The following RSRC1 variants were observed in gnomAD, a reference collection of about 807,000 sequenced individuals.
RSRC1 encodes arginine and serine rich coiled-coil 1, also known as serine/Arginine-related protein 53.
In RSRC1, 39 loss-of-function variants were observed where a neutral mutation model predicts 49.1. The observed-to-expected ratio is 0.79, with a 90% CI of 0.61 to 1.04. The LOEUF is 1.04. Among genes scored for constraint, RSRC1 ranks in the 50% least tolerant of loss-of-function variants. The pLI, the probability that RSRC1 is intolerant of heterozygous loss-of-function variation, is 0.00. For missense variants in RSRC1, 388 were observed against 402.4 expected (o/e 0.96, Z 0.31); for synonymous variants, 143 against 130.8 (o/e 1.09, Z -0.63).
At chr3:158,533,293 A>AT (rs1160438033) in intron 7 of RSRC1, among the ~76,000 whole-genome samples, 1 of 151,686 alleles carries the variant, frequency 6.6e-6, no homozygotes, top group African/African-American at 2.4e-5. Context: ...ATGTTGGTGT[A>AT]TTTTCATATT....
At chr3:158,390,513 G>C (rs9846458) in intron 6 of RSRC1, among the ~76,000 whole-genome samples, 4 of 152,058 alleles carry the variant, frequency 2.6e-5, no homozygotes, top group Non-Finnish European at 4.4e-5. Flanking sequence ...TGTAATGATA[G>C]TATTAATAAG....
At chr3:158,211,496 A>T (rs1034923307) in intron 4 of RSRC1, among the ~76,000 whole-genome samples, 2 of 151,996 alleles carry the variant, frequency 1.3e-5, no homozygotes, top group Non-Finnish European at 2.9e-5. Flanking sequence ...ACATAGGGGA[A>T]GGAAATCAAT....
intron 3 of RSRC1, among the ~76,000 whole-genome samples, chr3:158,127,097 A>T (rs923682658): frequency 6.6e-6 from 1 of 151,998 alleles, no homozygotes; most frequent in Non-Finnish European, 1.5e-5. Flanking sequence ...TAATGTGTCT[A>T]TGTGGGCCTC....
intron 5 of RSRC1, among the ~76,000 whole-genome samples, chr3:158,328,871 C>A (rs538322235): frequency 6.6e-6 from 1 of 152,360 alleles, no homozygotes; most frequent in South Asian, 2.1e-4. Context: ...CTTTCAGGTA[C>A]ACCAATCAGA....
chr3:158,142,567 G>T (rs1304358095), intron 3 of RSRC1, among the ~76,000 whole-genome samples: 1 of 152,158 alleles, frequency 6.6e-6, no homozygotes, highest in Non-Finnish European at 1.5e-5. Context: ...TTCTAGTGAG[G>T]GCCTCAGGAA....
intron 7 of RSRC1, among the ~76,000 whole-genome samples, chr3:158,505,290 G>A (rs1739801067): frequency 6.6e-6 from 1 of 152,068 alleles, no homozygotes; most frequent in South Asian, 2.1e-4. Context: ...TCACCTAGTT[G>A]GAAGCACCTG....
intron 1 of RSRC1, among the ~76,000 whole-genome samples, chr3:158,116,090 A>G (rs1387744856): frequency 6.6e-6 from 1 of 152,198 alleles, no homozygotes; most frequent in Non-Finnish European, 1.5e-5. Context: ...TCAAAAATTC[A>G]TGTTTGTTAA....
At chr3:158,447,660 C>T (rs1034592234) in intron 6 of RSRC1, among the ~76,000 whole-genome samples, 12 of 151,964 alleles carry the variant, frequency 7.9e-5, no homozygotes, top group Admixed American at 6.6e-5. Context: ...TCTTAAAGTA[C>T]TTAGCACAGT....
At chr3:158,425,775 G>T (rs1191921260) in intron 6 of RSRC1, among the ~76,000 whole-genome samples, 1 of 151,654 alleles carries the variant, frequency 6.6e-6, no homozygotes, top group Non-Finnish European at 1.5e-5. Context: ...TCCTTTATTG[G>T]GTGCATATAT....
intron 1 of RSRC1, among the ~76,000 whole-genome samples, chr3:158,113,757 G>A (rs547177340): frequency 1.5e-4 from 23 of 152,238 alleles, no homozygotes; most frequent in African/African-American, 4.8e-4. Context: ...GATCAGTGAT[G>A]TTGAGTTTTT....
intron 5 of RSRC1, among the ~76,000 whole-genome samples, chr3:158,310,634 G>A (rs1007749050): frequency 6.6e-6 from 1 of 151,690 alleles, no homozygotes; most frequent in African/African-American, 2.4e-5. Context: ...TATTCTGAGA[G>A]TTTGATAAAT....
intron 3 of RSRC1, among the ~76,000 whole-genome samples, chr3:158,201,878 C>CA (rs1277445698): frequency 2.6e-5 from 4 of 152,072 alleles, no homozygotes; most frequent in Non-Finnish European, 4.4e-5. Flanking sequence ...CTTCATATAT[C>CA]TAGGAATTTT....
chr3:158,477,117 A>C (rs1738400202), intron 7 of RSRC1, among the ~76,000 whole-genome samples: 1 of 152,174 alleles, frequency 6.6e-6, no homozygotes, highest in African/African-American at 2.4e-5. Flanking sequence ...ACAAATGAGT[A>C]GTTGCTTCTT....
intron 4 of RSRC1, among the ~76,000 whole-genome samples, chr3:158,218,145 G>T (rs1437346694): frequency 6.6e-6 from 1 of 151,614 alleles, no homozygotes; most frequent in Non-Finnish European, 1.5e-5. Context: ...CCTGGTTAAG[G>T]ATTTTGGTCT....
intron 4 of RSRC1, among the ~76,000 whole-genome samples, chr3:158,254,828 G>A (rs1724439646): frequency 6.6e-6 from 1 of 152,102 alleles, no homozygotes; most frequent in African/African-American, 2.4e-5. Context: ...GTGATGGTGA[G>A]CATTTTTTCA....
intron 4 of RSRC1, among the ~76,000 whole-genome samples, chr3:158,230,025 A>T (rs1489777733): frequency 6.6e-6 from 1 of 152,082 alleles, no homozygotes; most frequent in Non-Finnish European, 1.5e-5. Flanking sequence ...TTCACCTAGG[A>T]TGCGATCTAG....
chr3:158,536,280 A>G (rs1232895341), intron 7 of RSRC1, among the ~76,000 whole-genome samples: 1 of 151,494 alleles, frequency 6.6e-6, no homozygotes, highest in African/African-American at 2.4e-5. Context: ...GTTAAAGAAT[A>G]TCATTAGAAT....
intron 5 of RSRC1, among the ~76,000 whole-genome samples, chr3:158,300,322 T>G (rs1040792486): frequency 6.6e-6 from 1 of 152,214 alleles, no homozygotes; most frequent in Non-Finnish European, 1.5e-5. Context: ...TGTGAACTAT[T>G]AACAATATAT....
intron 1 of RSRC1, among the ~76,000 whole-genome samples, chr3:158,113,230 C>T (rs1714530070): frequency 6.6e-6 from 1 of 152,134 alleles, no homozygotes; most frequent in African/African-American, 2.4e-5. Flanking sequence ...ACTGCTGATT[C>T]CTCAAAGTAT....
Sources: gnomAD v4.1 joint callset for allele counts (sites outside exome capture counted in the v4.1 genomes callset) on GRCh38, gnomAD v4.1.1 for gene constraint, MANE v1.5 for transcripts, NCBI Gene and HGNC (gene_info 2026-07-23, HGNC 2026-07-21) for gene names.